SLC17A1: variants seen among roughly 807,000 people sequenced by gnomAD.
SLC17A1 encodes the protein solute carrier family 17 member 1, also known as sodium-dependent phosphate transport protein 1.
Under a neutral mutation model 53.5 loss-of-function variants are expected in SLC17A1, and 51 were observed. That is an observed-to-expected ratio of 0.95 (90% CI 0.76 to 1.20). The LOEUF is 1.20. Among genes scored for constraint, SLC17A1 ranks in the 50% most tolerant of loss-of-function variants. SLC17A1 has a pLI of 0.00. For synonymous variants in SLC17A1, 179 were observed against 198.8 expected, an observed-to-expected ratio of 0.90 and a Z score of 0.84; for missense variants, 538 against 568.2, an observed-to-expected ratio of 0.95 and a Z score of 0.54.
chr6:25,726,931 G>C, the SLC17A1 span: 18 of 1,613,574 alleles, frequency 1.1e-5, no homozygotes, highest in African/African-American at 1.2e-4. Context: ...TCATCTAAAG[G>C]TGCTACCATT....
the SLC17A1 span, among the ~76,000 whole-genome samples, chr6:25,758,619 C>A: frequency 6.6e-6 from 1 of 152,156 alleles, no homozygotes; most frequent in East Asian, 1.9e-4. Flanking sequence ...TTGTATTTCT[C>A]TGGTATCAAT....
At chr6:25,821,862 A>G (rs934850861) in intron 3 of SLC17A1, among the ~76,000 whole-genome samples, 1 of 152,206 alleles carries the variant, frequency 6.6e-6, no homozygotes, top group Non-Finnish European at 1.5e-5. Flanking sequence ...ACTCATTTGT[A>G]TGAGTCATAT....
the SLC17A1 span, chr6:25,769,163 T>C: frequency 6.2e-7 from 1 of 1,614,042 alleles, no homozygotes; most frequent in Non-Finnish European, 8.5e-7. Flanking sequence ...GCTACTGGAA[T>C]GAAACTCTAA....
chr6:25,773,013 A>G, the SLC17A1 span, among the ~76,000 whole-genome samples: 1 of 152,246 alleles, frequency 6.6e-6, no homozygotes, highest in African/African-American at 2.4e-5. Context: ...GCAAGACCCA[A>G]GAGGATAAGT....
At chr6:25,801,992 T>C (rs1008107320) in intron 10 of SLC17A1, among the ~76,000 whole-genome samples, 1 of 152,186 alleles carries the variant, frequency 6.6e-6, no homozygotes, top group African/African-American at 2.4e-5. Context: ...AAACTATTAA[T>C]TGTCCCCACT....
At chr6:25,829,471 A>C (rs1216122145) in intron 2 of SLC17A1, among the ~76,000 whole-genome samples, 1 of 152,188 alleles carries the variant, frequency 6.6e-6, no homozygotes, top group East Asian at 1.9e-4. Flanking sequence ...TGGATCTAGA[A>C]AGCTATCAGA....
At chr6:25,797,929 A>C (rs1763637880) in intron 12 of SLC17A1, among the ~76,000 whole-genome samples, 1 of 152,212 alleles carries the variant, frequency 6.6e-6, no homozygotes, top group Admixed American at 6.5e-5. Context: ...CCTACAGTTT[A>C]GATTTGCTAA....
chr6:25,802,960 T>C (rs1455723272), intron 10 of SLC17A1, among the ~76,000 whole-genome samples: 1 of 126,926 alleles, frequency 7.9e-6, no homozygotes, highest in African/African-American at 3.4e-5. Flanking sequence ...TTTTTTTTTT[T>C]TTTTGAGACG....
At chr6:25,785,996 T>C (rs1011188075) in intron 12 of SLC17A1, among the ~76,000 whole-genome samples, 2 of 152,198 alleles carry the variant, frequency 1.3e-5, no homozygotes, top group African/African-American at 2.4e-5. Context: ...AATTGAAACA[T>C]ATCTTCACAT....
chr6:25,747,433 T>C, the SLC17A1 span, among the ~76,000 whole-genome samples: 2 of 152,174 alleles, frequency 1.3e-5, no homozygotes, highest in African/African-American at 4.8e-5. Flanking sequence ...AACTGTCTGA[T>C]TGGAGAATAT....
At chr6:25,777,882 G>C in the SLC17A1 span, 1 of 1,512,958 alleles carries the variant, frequency 6.6e-7, no homozygotes, top group Admixed American at 1.7e-5. Flanking sequence ...ACTTTCAAAC[G>C]TAGGTATACT....
chr6:25,770,153 T>A, the SLC17A1 span: 1 of 1,614,060 alleles, frequency 6.2e-7, no homozygotes, highest in Non-Finnish European at 8.5e-7. Flanking sequence ...CAATCCCCAG[T>A]GGCTATGTGG....
Position 25,826,500 on chromosome 6 carries a change from C to T in SLC17A1, c.168G>A (p.Leu56=), listed in dbSNP as rs766833879. Reference sequence around the variant, plus strand: ...GGAGCTTCTTTGTGGAGGTGTTGGGCAAACCATGTGGATCTGTGCTATTCA... The same window carrying T: ...GGAGCTTCTTTGTGGAGGTGTTGGGTAAACCATGTGGATCTGTGCTATTCA... ...VMVNSTDPHG[L]PNTSTKKLLD... The change falls in exon 3 of 13, where the codon TTG becomes TTA. Residue 56 remains leucine (L), a synonymous_variant. Coordinates refer to ENST00000244527, the MANE Select transcript of SLC17A1 (RefSeq NM_005074.5). 8 of 1,610,350 alleles carry T rather than the reference C, an allele frequency of 5.0e-6. No individual in the cohort carries two copies. Among genetic ancestry groups the T allele is most frequent in the East Asian group, 4.5e-5 (2 of 44,736 alleles).
chr6:25,753,224 C>T, the SLC17A1 span, among the ~76,000 whole-genome samples: 3 of 152,116 alleles, frequency 2.0e-5, no homozygotes, highest in Non-Finnish European at 4.4e-5. Context: ...GGAGGAACTG[C>T]AAGTGTAAAG....
the SLC17A1 span, among the ~76,000 whole-genome samples, chr6:25,742,759 C>T: frequency 6.6e-6 from 1 of 152,050 alleles, no homozygotes; most frequent in Non-Finnish European, 1.5e-5. Context: ...AGCTATGATC[C>T]TGCCACTGCA....
chr6:25,801,338 T>C (rs1454479574), intron 10 of SLC17A1, among the ~76,000 whole-genome samples: 2 of 152,182 alleles, frequency 1.3e-5, no homozygotes, highest in East Asian at 3.8e-4. Context: ...AGGGCTTTGT[T>C]CACCTGGTTT....
At chr6:25,828,469 C>T (rs1191277435) in intron 2 of SLC17A1, among the ~76,000 whole-genome samples, 1 of 151,494 alleles carries the variant, frequency 6.6e-6, no homozygotes, top group Non-Finnish European at 1.5e-5. Context: ...ATACTGTTTT[C>T]CTCTTTCAAT....
chr6:25,803,748 A>G (rs754311371), intron 10 of SLC17A1, among the ~76,000 whole-genome samples: 2 of 152,130 alleles, frequency 1.3e-5, no homozygotes, highest in Non-Finnish European at 2.9e-5. Flanking sequence ...ATAATATATG[A>G]ATATGGACAT....
chr6:25,724,896 T>TGA, the SLC17A1 span, among the ~76,000 whole-genome samples: 2 of 32,660 alleles, frequency 6.1e-5, no homozygotes, highest in African/African-American at 1.7e-4. Context: ...TAATTCATAC[T>TGA]TTTGTAACTT....
Sources: allele counts gnomAD v4.1 joint callset (sites outside exome capture counted in the v4.1 genomes callset), GRCh38; gene constraint gnomAD v4.1.1; transcripts MANE v1.5; gene names NCBI Gene and HGNC (gene_info 2026-07-23, HGNC 2026-07-21).